The following PEX5L variants were observed in gnomAD, a reference collection of about 807,000 sequenced individuals.
PEX5L encodes peroxisomal biogenesis factor 5 like.
PEX5L carries 30 observed loss-of-function variants against 84.0 expected under a neutral mutation model. The ratio of observed to expected loss-of-function variants is 0.36; its 90% CI spans 0.27 to 0.48. The LOEUF (loss-of-function observed/expected upper bound fraction) is 0.48. Ranked by LOEUF, PEX5L falls within the 20% of genes least tolerant of loss-of-function variation. PEX5L has a pLI of 0.99. For missense variants in PEX5L, 533 were observed against 754.6 expected, an observed-to-expected ratio of 0.71 and a Z score of 3.44; for synonymous variants, 270 against 283.1, an observed-to-expected ratio of 0.95 and a Z score of 0.46.
intron 2 of PEX5L, among the ~76,000 whole-genome samples, chr3:179,968,666 AC>A (rs1469752228): frequency 1.3e-5 from 2 of 149,532 alleles, no homozygotes; most frequent in Non-Finnish European, 3.0e-5. Context: ...ATGGACTCTG[AC>A]CCCAGTGTGA....
At chr3:179,907,175 T>A (rs1192138247) in intron 2 of PEX5L, among the ~76,000 whole-genome samples, 1 of 152,090 alleles carries the variant, frequency 6.6e-6, no homozygotes, top group Non-Finnish European at 1.5e-5. Context: ...ATTTCCCCAA[T>A]TTCTTGCCTC....
At chr3:179,834,805 C>A (rs1453217087) in intron 8 of PEX5L, among the ~76,000 whole-genome samples, 1 of 152,050 alleles carries the variant, frequency 6.6e-6, no homozygotes, top group Non-Finnish European at 1.5e-5. Flanking sequence ...GAATTGTGTT[C>A]CTCAAAATGA....
chr3:179,890,307 C>T (rs537261179), intron 3 of PEX5L, among the ~76,000 whole-genome samples: 1 of 152,272 alleles, frequency 6.6e-6, no homozygotes, highest in South Asian at 2.1e-4. Context: ...TGGCACCACC[C>T]TATACGCATA....
chr3:179,987,759 G>C (rs1786990002), intron 1 of PEX5L, among the ~76,000 whole-genome samples: 1 of 152,138 alleles, frequency 6.6e-6, no homozygotes, highest in African/African-American at 2.4e-5. Context: ...CCATTTTGAA[G>C]TCCACCTCTT....
In PEX5L at chr3:179,796,907, C is replaced by G. The variant is rs144860760; in HGVS notation, c.*4921G>C. On this transcript the variant is annotated 3_prime_UTR_variant, in exon 15 of 15. Transcript: ENST00000467460. The stretch of plus-strand genomic sequence containing the variant: ...TGTATCAGAACAATGTTGTGATACC[C>G]CACACACTTGCTATGTGACATTTAT... 112 of 152,138 alleles carry G rather than the reference C, an allele frequency of 7.4e-4. 1 individual carries two copies. The highest frequency in any genetic ancestry group is 2.6e-3 in the African/African-American group (107 of 41,496). The allele number at this position is 152,138 out of a possible 1,614,324, so 9.4% of individuals were successfully genotyped here.
chr3:179,905,767 C>A (rs1762984768), intron 2 of PEX5L, among the ~76,000 whole-genome samples: 1 of 151,974 alleles, frequency 6.6e-6, no homozygotes, highest in Non-Finnish European at 1.5e-5. Context: ...TTGTTATTAT[C>A]TTTTATTTTG....
intron 11 of PEX5L, 69 bp from the exon 12 acceptor site, chr3:179,809,737 G>A (rs1723001987): frequency 8.6e-7 from 1 of 1,162,054 alleles, no homozygotes; most frequent in Non-Finnish European, 1.2e-6. Flanking sequence ...TTCAGAAAAT[G>A]TGGGGGGTCT....
chr3:179,840,183 G>GTGTGTGTTT (rs542803963), intron 8 of PEX5L, among the ~76,000 whole-genome samples: 2 of 78,668 alleles, frequency 2.5e-5, no homozygotes, highest in African/African-American at 1.0e-4. Context: ...GTGTGTGTGT[G>GTGTGTGTTT]TTTTTTTTTT....
intron 1 of PEX5L, among the ~76,000 whole-genome samples, chr3:179,996,874 T>C (rs1208264026): frequency 1.3e-5 from 2 of 152,230 alleles, no homozygotes; most frequent in African/African-American, 4.8e-5. Flanking sequence ...TGTAGAGCTC[T>C]GTCATTGGCT....
At chr3:179,942,598 C>T (rs1020500500) in intron 2 of PEX5L, among the ~76,000 whole-genome samples, 1 of 152,226 alleles carries the variant, frequency 6.6e-6, no homozygotes, top group African/African-American at 2.4e-5. Flanking sequence ...CCTCTCTCGA[C>T]CCAGGCGCAT....
intron 1 of PEX5L, among the ~76,000 whole-genome samples, chr3:180,005,039 A>T (rs1788749702): frequency 6.6e-6 from 1 of 152,174 alleles, no homozygotes; most frequent in African/African-American, 2.4e-5. Flanking sequence ...TAGCTCGTGA[A>T]CACTTTCTAT....
chr3:180,022,496 G>A (rs539433290), intron 1 of PEX5L, among the ~76,000 whole-genome samples: 20 of 152,164 alleles, frequency 1.3e-4, no homozygotes, highest in African/African-American at 4.3e-4. Context: ...TTTAAAAGAG[G>A]GGTTAATTTA....
chr3:179,968,623 G>A (rs1489606123), intron 2 of PEX5L, among the ~76,000 whole-genome samples: 2 of 151,868 alleles, frequency 1.3e-5, no homozygotes, highest in Non-Finnish European at 2.9e-5. Flanking sequence ...TACGCTTAAA[G>A]TTTGAAAACC....
chr3:179,982,705 T>C (rs776192255), intron 1 of PEX5L, among the ~76,000 whole-genome samples: 2 of 152,148 alleles, frequency 1.3e-5, no homozygotes, highest in African/African-American at 2.4e-5. Context: ...TGACTGATAC[T>C]TAAGGACTAT....
At chr3:179,894,365 G>A (rs918394084) in intron 3 of PEX5L, among the ~76,000 whole-genome samples, 2 of 152,030 alleles carry the variant, frequency 1.3e-5, no homozygotes, top group Non-Finnish European at 2.9e-5. Flanking sequence ...TGAGCTTATA[G>A]TACTAATGGA....
intron 14 of PEX5L, among the ~76,000 whole-genome samples, chr3:179,805,638 TC>T (rs1255139130): frequency 6.6e-6 from 1 of 152,218 alleles, no homozygotes; most frequent in Non-Finnish European, 1.5e-5. Flanking sequence ...TACAGTAACA[TC>T]CCATGCAATA....
intron 2 of PEX5L, among the ~76,000 whole-genome samples, chr3:179,938,118 GAGGTAAACATCTTAA>G (rs1272904411): frequency 6.6e-6 from 1 of 152,088 alleles, no homozygotes; most frequent in Non-Finnish European, 1.5e-5. Flanking sequence ...GGATTCTGAT[GAGGTAAACATCTTAA>G]AGGTAAACTC....
intron 2 of PEX5L, among the ~76,000 whole-genome samples, chr3:179,943,523 A>G (rs1776713638): frequency 6.6e-6 from 1 of 152,258 alleles, no homozygotes; most frequent in Admixed American, 6.5e-5. Flanking sequence ...CTCATGTCCA[A>G]TTAGTCGAAT....
intron 1 of PEX5L, chr3:179,974,220 T>C: frequency 3.0e-6 from 3 of 984,648 alleles, no homozygotes; most frequent in South Asian, 9.4e-5. Flanking sequence ...AGGACTGAAC[T>C]AGAAGGAAAA....
Sources: allele counts gnomAD v4.1 joint callset (sites outside exome capture counted in the v4.1 genomes callset), GRCh38; gene constraint gnomAD v4.1.1; transcripts MANE v1.5; gene names NCBI Gene and HGNC (gene_info 2026-07-23, HGNC 2026-07-21).